Variants in ATAD5 observed in about 807,000 individuals in gnomAD.
ATAD5 encodes ATPase family AAA domain containing 5, also known as ATPase family AAA domain-containing protein 5.
ATAD5 carries 58 observed loss-of-function variants against 176.9 expected under a neutral mutation model. The ratio of observed to expected loss-of-function variants is 0.33; its 90% confidence interval spans 0.27 to 0.41. The LOEUF (loss-of-function observed/expected upper bound fraction) is 0.41, where lower values mean the gene tolerates loss of function less well. Among genes scored for constraint, ATAD5 ranks in the 10% least tolerant of loss-of-function variants. The pLI is 1.00. For synonymous variants in ATAD5, 640 were observed against 712.6 expected (o/e 0.90, Z 1.62); for missense variants, 1,789 against 2,094.1 (o/e 0.85, Z 2.84).
At chr17:30,874,169 AAAAT>A (rs893613913) in intron 14 of ATAD5, among the ~76,000 whole-genome samples, 5 of 150,976 alleles carry the variant, frequency 3.3e-5, no homozygotes, top group East Asian at 2.0e-4. Flanking sequence ...CGTCTCAGAA[AAAAT>A]AAATAAATAA....
At position 30,868,240 on chromosome 17, in the gene ATAD5, T is replaced by C. The variant is rs1908113865; in HGVS notation, c.3234-93T>C. 5.7e-6 allele frequency: 6 copies of C among 1,055,594 alleles called. No individual in the cohort carries two copies. The African/African-American group carries it at 6.7e-5, about 12-fold the overall frequency. The allele number at this position is 1,055,594 out of a possible 1,614,324, so 65.4% of individuals were successfully genotyped here. On this transcript the variant is annotated intron_variant, in intron 11 of 22. Transcript: ENST00000321990. ...TGGCCAGTGGCAGAGAAACTAACAA[T>C]ATGCCATAACTTCCCCCGATAATCA...
intron 9 of ATAD5, 85 bp downstream of exon 9, chr17:30,858,408 G>A (rs1220011098): frequency 2.9e-6 from 3 of 1,020,688 alleles, no homozygotes; most frequent in South Asian, 3.9e-5. Context: ...TTTCTGAGAC[G>A]GAGTTTTGCT....
rs528822412 is a variant in ATAD5, at chr17:30,863,270, A to G, written c.3137-2434A>G. ...GACTGTGGTAGCATGATCTGGACTC[A>G]CTGCAGCCTCCACCTCCTGAGTTCA... On this transcript the variant is annotated intron_variant, in intron 10 of 22. Transcript: ENST00000321990. Among the ~76,000 whole-genome samples, 78 of 152,190 alleles carry G rather than the reference A, an allele frequency of 5.1e-4. 1 individual carries two copies. The highest frequency in any genetic ancestry group is 1.7e-3 in the African/African-American group (70 of 41,520).
In ATAD5 at chr17:30,869,619, AATAGCTACTAC is replaced by A; in HGVS notation, c.3585_3595del (p.Ser1195ArgfsTer11). ...AAACTCACAAAAACCCTGTTTTTTTAATAGCTACTACATAGGCAAGTCACCAAGTAAGTAAA... is the reference window on the plus strand; with the variant it reads ...AAACTCACAAAAACCCTGTTTTTTTAATAGGCAAGTCACCAAGTAAGTAAA... On this transcript the variant is annotated frameshift_variant, in exon 14 of 23. Coordinates refer to ENST00000321990, the MANE Select transcript of ATAD5 (RefSeq NM_024857.5). LOFTEE classifies it high-confidence loss of function. 1 of 1,602,152 alleles carries A rather than the reference AATAGCTACTAC, an allele frequency of 6.2e-7. No homozygotes were observed. Among genetic ancestry groups the A allele is most frequent in the Non-Finnish European group, 8.5e-7 (1 of 1,177,264 alleles).
Position 30,892,728 on chromosome 17 carries a change from G to C in ATAD5, c.4380G>C (p.Glu1460Asp). 1 of 1,588,930 alleles carries C rather than the reference G, an allele frequency of 6.3e-7. No individual in the cohort carries two copies. The highest frequency in any genetic ancestry group is 8.6e-7 in the Non-Finnish European group (1 of 1,168,946). The stretch of plus-strand genomic sequence containing the variant: ...CAAAATGTGACAGTGGCTGTGCTGA[G>C]ACCTTGTTTGGCCTTAAGAACATTT... ...DLPKCDSGCA[E>D]TLFGLKNIFS... The change falls in exon 20 of 23, where the codon GAG becomes GAC. Residue 1460 changes from glutamate to aspartate, a missense_variant. Coordinates refer to ENST00000321990, the MANE Select transcript of ATAD5 (RefSeq NM_024857.5).
intron 10 of ATAD5, among the ~76,000 whole-genome samples, chr17:30,861,661 G>A (rs1259324646): frequency 6.6e-5 from 10 of 151,994 alleles, no homozygotes; most frequent in East Asian, 5.8e-4. Context: ...ACAGGCGCAC[G>A]CCACCACGCC....
intron 2 of ATAD5, 127 bp from the exon 3 acceptor site, chr17:30,837,079 G>C (rs1319402646): frequency 1.8e-6 from 1 of 548,784 alleles, no homozygotes; most frequent in Non-Finnish European, 3.1e-6. Flanking sequence ...TTCCATATTA[G>C]GGTCCTGAGT....
intron 18 of ATAD5, among the ~76,000 whole-genome samples, chr17:30,885,623 C>CTTTCTTTTTT (rs1909270133): frequency 2.1e-5 from 2 of 93,814 alleles, no homozygotes; most frequent in Non-Finnish European, 4.0e-5. Context: ...TTCCAACTTT[C>CTTTCTTTTTT]TTTTTTTTTT....
At chr17:30,866,185 A>ATTTTTTTT (rs542432593) in intron 11 of ATAD5, among the ~76,000 whole-genome samples, 1 of 79,232 alleles carries the variant, frequency 1.3e-5, no homozygotes, top group Non-Finnish European at 2.2e-5. Flanking sequence ...GAATTTACAA[A>ATTTTTTTT]TTTTTTTTTT....
In ATAD5 at chr17:30,878,718, G is replaced by GTTTTTTTTTTTTT. The variant is rs71142005; in HGVS notation, c.4012+640_4012+652dup. ...TCTTATTAATCAGAAGTTAGGTGGT[G>GTTTTTTTTTTTTT]TTTTTTTTTTTTTTTTTTTTTTTTT... On this transcript the variant is annotated intron_variant, in intron 17 of 22. Transcript: ENST00000321990. 3.7e-4 allele frequency among the ~76,000 whole-genome samples: 21 copies of GTTTTTTTTTTTTT among 56,878 alleles called. 6 individuals are homozygous for GTTTTTTTTTTTTT. Among genetic ancestry groups the GTTTTTTTTTTTTT allele is most frequent in the East Asian group, 6.8e-4 (1 of 1,462 alleles). 37.3% of individuals were successfully genotyped at this position (56,878 alleles called of 152,430 possible).
chr17:30,887,484 A>C, intron 19 of ATAD5, 112 bp downstream of exon 19: 1 of 840,746 alleles, frequency 1.2e-6, no homozygotes, highest in Non-Finnish European at 1.8e-6. Context: ...TGGGGGAGTG[A>C]GGTGGGAGGA....
intron 18 of ATAD5, among the ~76,000 whole-genome samples, chr17:30,883,805 TC>T (rs992119852): frequency 6.6e-6 from 1 of 152,168 alleles, no homozygotes; most frequent in African/African-American, 2.4e-5. Flanking sequence ...CGTCTCGGCC[TC>T]CCAAAGTGCT....
intron 18 of ATAD5, among the ~76,000 whole-genome samples, chr17:30,882,369 C>T (rs2031875204): frequency 6.6e-6 from 1 of 152,076 alleles, no homozygotes; most frequent in Non-Finnish European, 1.5e-5. Flanking sequence ...TCAAGACCAG[C>T]CTGGGCAACA....
chr17:30,887,212 A>T lies in ATAD5; in HGVS notation c.4098A>T (p.Leu1366=). The change falls in exon 19 of 23, where the codon CTA becomes CTT. Residue 1366 remains leucine, a synonymous_variant. Coordinates refer to ENST00000321990, the MANE Select transcript of ATAD5 (RefSeq NM_024857.5). ...TPSLLNVASY[L]QMICLTENFR... The stretch of plus-strand genomic sequence containing the variant: ...TGAAGCTAAATGTTGCCAGCTACCT[A>T]CAAATGATTTGCTTAACTGAGAATT... The T allele has an allele frequency of 6.3e-7, 1 of 1,586,668 alleles. No homozygotes were observed. The highest frequency in any genetic ancestry group is 8.5e-7 in the Non-Finnish European group (1 of 1,170,902).
chr17:30,858,360 A>C (rs763838431), intron 9 of ATAD5, 37 bp downstream of exon 9: 11 of 1,310,048 alleles, frequency 8.4e-6, no homozygotes, highest in Non-Finnish European at 1.1e-5. Context: ...TTAACATACC[A>C]GTTTTGGGTT....
chr17:30,839,126 G>A (rs1197894502), intron 3 of ATAD5, among the ~76,000 whole-genome samples: 2 of 152,092 alleles, frequency 1.3e-5, no homozygotes, highest in Non-Finnish European at 2.9e-5. Context: ...GAGCCACTGT[G>A]CCTGGCCAGA....
chr17:30,879,000 G>A (rs1049461910), intron 17 of ATAD5, among the ~76,000 whole-genome samples: 2 of 152,022 alleles, frequency 1.3e-5, no homozygotes, highest in Admixed American at 1.3e-4. Flanking sequence ...CCAAAGTGCT[G>A]GGATCATAGG....
At chr17:30,844,963 T>C in intron 6 of ATAD5, 47 bp downstream of exon 6, 1 of 1,432,750 alleles carries the variant, frequency 7.0e-7, no homozygotes, top group Non-Finnish European at 9.6e-7. Context: ...TTATAGAATG[T>C]ATTTGTATTG....
At chr17:30,858,762 C>G (rs1389602908) in intron 9 of ATAD5, among the ~76,000 whole-genome samples, 1 of 152,092 alleles carries the variant, frequency 6.6e-6, no homozygotes, top group African/African-American at 2.4e-5. Flanking sequence ...CTCACTGCAA[C>G]CTTCGCCTCC....
Sources: allele counts gnomAD v4.1 joint callset (sites outside exome capture counted in the v4.1 genomes callset), GRCh38; gene constraint gnomAD v4.1.1; transcripts MANE v1.5; gene names NCBI Gene and HGNC (gene_info 2026-07-23, HGNC 2026-07-21).